Variants in ADGRL3 observed in about 807,000 individuals in gnomAD.
ADGRL3 encodes adhesion G protein-coupled receptor L3.
Under a neutral mutation model 153.5 loss-of-function variants are expected in ADGRL3, and 62 were observed. The ratio of observed to expected loss-of-function variants is 0.40; its 90% CI spans 0.33 to 0.50. The LOEUF (loss-of-function observed/expected upper bound fraction) is 0.50. Among genes scored for constraint, ADGRL3 ranks in the 20% least tolerant of loss-of-function variants. The probability of loss-of-function intolerance (pLI) is 0.47; values close to 1 mark genes in which losing one functional copy is unlikely to be tolerated. For synonymous variants in ADGRL3, 710 were observed against 672.5 expected, an observed-to-expected ratio of 1.06 and a Z score of -0.86; for missense variants, 1,641 against 1,859.4, an observed-to-expected ratio of 0.88 and a Z score of 2.16.
chr4:61,334,744 C>T (rs564811154), intron 1 of ADGRL3, among the ~76,000 whole-genome samples: 136 of 152,120 alleles, frequency 8.9e-4, no homozygotes, highest in African/African-American at 3.1e-3. Flanking sequence ...ATTTTAAAGA[C>T]TTTGCTAGGC....
chr4:61,907,792 C>G (rs780539634), intron 11 of ADGRL3, among the ~76,000 whole-genome samples: 1 of 152,104 alleles, frequency 6.6e-6, no homozygotes, highest in Non-Finnish European at 1.5e-5. Flanking sequence ...TGCCTTTGTT[C>G]TCTAGATATC....
intron 1 of ADGRL3, among the ~76,000 whole-genome samples, chr4:61,245,001 A>C (rs1291438117): frequency 6.6e-6 from 1 of 151,780 alleles, no homozygotes; most frequent in Non-Finnish European, 1.5e-5. Flanking sequence ...CCTTTCCTTT[A>C]CTCTTCTGGA....
In ADGRL3 at chr4:61,733,377, G is replaced by A. The variant is rs2096466933; in HGVS notation, c.1222G>A (p.Asp408Asn). 6.2e-7 allele frequency: 1 copy of A among 1,613,578 alleles called. No individual in the cohort carries two copies. The highest frequency in any genetic ancestry group is 8.5e-7 in the Non-Finnish European group (1 of 1,179,820). ...CAATGAGGCTACTGGAAATAAGATT[G>A]ACTACATTTACAACACTGACCAAAG... ...DDNEATGNKI[D>N]YIYNTDQSKD... Residue 408 changes from aspartate (D) to asparagine (N), a missense_variant, in exon 8 of 27, where the codon GAC becomes AAC. Transcript: ENST00000683033.
chr4:61,416,625 C>T (rs1051855802), intron 2 of ADGRL3, among the ~76,000 whole-genome samples: 2 of 152,012 alleles, frequency 1.3e-5, no homozygotes, highest in African/African-American at 4.8e-5. Context: ...TGCATATGAT[C>T]AGTGGATTTT....
intron 1 of ADGRL3, among the ~76,000 whole-genome samples, chr4:61,305,307 T>A (rs1170555150): frequency 6.6e-6 from 1 of 152,118 alleles, no homozygotes; most frequent in Non-Finnish European, 1.5e-5. Flanking sequence ...AACACACATG[T>A]ATTAAGAGTT....
At chr4:61,894,578 T>G (rs1393319486) in intron 10 of ADGRL3, among the ~76,000 whole-genome samples, 3 of 152,176 alleles carry the variant, frequency 2.0e-5, no homozygotes, top group Non-Finnish European at 4.4e-5. Context: ...TGAAGATTAG[T>G]GAAACACTTT....
intron 9 of ADGRL3, among the ~76,000 whole-genome samples, chr4:61,889,687 C>G: frequency 6.6e-6 from 1 of 152,236 alleles, no homozygotes; most frequent in South Asian, 2.1e-4. Context: ...ATCTAAACCA[C>G]TTAAATAGAG....
intron 2 of ADGRL3, among the ~76,000 whole-genome samples, chr4:61,399,763 T>G (rs894182362): frequency 6.6e-6 from 1 of 151,730 alleles, no homozygotes; most frequent in Non-Finnish European, 1.5e-5. Context: ...TGTTTAATAT[T>G]TAAAATCTTC....
intron 6 of ADGRL3, among the ~76,000 whole-genome samples, chr4:61,722,783 C>G (rs1317736781): frequency 6.6e-6 from 1 of 152,064 alleles, no homozygotes; most frequent in Non-Finnish European, 1.5e-5. Flanking sequence ...AAAATAAACT[C>G]TGATTTGGAG....
intron 8 of ADGRL3, among the ~76,000 whole-genome samples, chr4:61,807,237 T>C (rs1400366733): frequency 2.0e-5 from 3 of 152,252 alleles, no homozygotes; most frequent in East Asian, 1.9e-4. Flanking sequence ...AGGGAATTAA[T>C]GAAAGGTCAT....
intron 8 of ADGRL3, among the ~76,000 whole-genome samples, chr4:61,803,120 C>G (rs747213874): frequency 5.3e-5 from 8 of 151,910 alleles, no homozygotes; most frequent in Non-Finnish European, 1.0e-4. Flanking sequence ...GTACATAGCC[C>G]AGTGAACATT....
chr4:62,068,595 G>A (rs899577043), intron 26 of ADGRL3, among the ~76,000 whole-genome samples: 2 of 152,124 alleles, frequency 1.3e-5, no homozygotes, highest in Non-Finnish European at 2.9e-5. Context: ...TAATAAACAC[G>A]TGTTTCAATG....
chr4:61,362,938 G>T (rs1372160417), intron 1 of ADGRL3, among the ~76,000 whole-genome samples: 1 of 152,004 alleles, frequency 6.6e-6, no homozygotes, highest in Non-Finnish European at 1.5e-5. Flanking sequence ...TCAAAGCTTT[G>T]TATAGCCATT....
intron 8 of ADGRL3, among the ~76,000 whole-genome samples, chr4:61,776,189 G>T (rs539143346): frequency 3.3e-5 from 5 of 152,092 alleles, no homozygotes; most frequent in African/African-American, 9.6e-5. Flanking sequence ...CGTGAGCCAC[G>T]GCGCCAAGCC....
intron 8 of ADGRL3, among the ~76,000 whole-genome samples, chr4:61,742,440 G>A (rs951256636): frequency 1.1e-4 from 16 of 151,700 alleles, no homozygotes; most frequent in East Asian, 3.9e-4. Flanking sequence ...CACCACGCCC[G>A]GCTAATTTTT....
At chr4:61,713,771 G>A (rs1214350586) in intron 6 of ADGRL3, among the ~76,000 whole-genome samples, 1 of 151,982 alleles carries the variant, frequency 6.6e-6, no homozygotes, top group Non-Finnish European at 1.5e-5. Context: ...TTACAATAGA[G>A]GTCTATCTAA....
chr4:61,290,958 TTTTA>T (rs1202811573), intron 1 of ADGRL3, among the ~76,000 whole-genome samples: 1 of 151,934 alleles, frequency 6.6e-6, no homozygotes, highest in Non-Finnish European at 1.5e-5. Flanking sequence ...GTGAATGATT[TTTTA>T]AAAAACTGGA....
chr4:61,565,764 C>T (rs1390020578), intron 4 of ADGRL3, among the ~76,000 whole-genome samples: 2 of 152,102 alleles, frequency 1.3e-5, no homozygotes, highest in African/African-American at 4.8e-5. Flanking sequence ...TCTTGAACTC[C>T]TGGCCTCAGG....
intron 1 of ADGRL3, among the ~76,000 whole-genome samples, chr4:61,231,653 G>T (rs1191519649): frequency 2.6e-5 from 4 of 151,986 alleles, no homozygotes; most frequent in Admixed American, 2.6e-4. Context: ...CACTTCCCTT[G>T]CTGCAGTGCT....
Sources: allele counts gnomAD v4.1 joint callset (sites outside exome capture counted in the v4.1 genomes callset), GRCh38; gene constraint gnomAD v4.1.1; transcripts MANE v1.5; gene names NCBI Gene and HGNC (gene_info 2026-07-23, HGNC 2026-07-21).